TTC28: variants seen among roughly 807,000 people sequenced by gnomAD.
TTC28 encodes tetratricopeptide repeat domain 28, also known as tetratricopeptide repeat protein 28.
In TTC28, 61 loss-of-function variants were observed where a neutral mutation model predicts 198.0. The observed-to-expected ratio is 0.31, with a 90% confidence interval of 0.25 to 0.38. TTC28 has a LOEUF of 0.38. Among genes scored for constraint, TTC28 ranks in the 10% least tolerant of loss-of-function variants. TTC28 has a pLI of 1.00. For missense variants in TTC28, 2,678 were observed against 3,164.0 expected, an observed-to-expected ratio of 0.85 and a Z score of 3.69; for synonymous variants, 1,171 against 1,297.8, an observed-to-expected ratio of 0.90 and a Z score of 2.10.
chr22:28,052,900 C>T (rs1191943557), intron 12 of TTC28, among the ~76,000 whole-genome samples: 1 of 152,180 alleles, frequency 6.6e-6, no homozygotes, highest in Non-Finnish European at 1.5e-5. Flanking sequence ...CAACAGGTTT[C>T]TATGGTTACA....
intron 17 of TTC28, among the ~76,000 whole-genome samples, chr22:27,995,255 G>T (rs1193241972): frequency 6.6e-6 from 1 of 152,176 alleles, no homozygotes; most frequent in Non-Finnish European, 1.5e-5. Flanking sequence ...AGGCTGTGCA[G>T]CAACCAGCCT....
intron 2 of TTC28, among the ~76,000 whole-genome samples, chr22:28,510,114 G>C (rs1167204748): frequency 6.6e-6 from 1 of 152,134 alleles, no homozygotes; most frequent in Non-Finnish European, 1.5e-5. Context: ...AAGAAGACCT[G>C]GTGCTATTTC....
At chr22:28,592,961 T>C (rs2050460799) in intron 2 of TTC28, among the ~76,000 whole-genome samples, 1 of 152,124 alleles carries the variant, frequency 6.6e-6, no homozygotes, top group South Asian at 2.1e-4. Context: ...AGAATCCCTT[T>C]TGTTGTTTAG....
chr22:28,034,979 G>C (rs753637872), intron 12 of TTC28, among the ~76,000 whole-genome samples: 2 of 152,210 alleles, frequency 1.3e-5, no homozygotes, highest in Non-Finnish European at 2.9e-5. Flanking sequence ...GCACCTTGGA[G>C]CTGTGCCAGA....
intron 3 of TTC28, among the ~76,000 whole-genome samples, chr22:28,302,516 A>T (rs889500189): frequency 6.6e-6 from 1 of 152,156 alleles, no homozygotes; most frequent in Admixed American, 6.5e-5. Context: ...TCAAAACAAC[A>T]TTAGGAGATG....
intron 2 of TTC28, among the ~76,000 whole-genome samples, chr22:28,450,902 C>A (rs112273410): frequency 2.0e-5 from 3 of 152,300 alleles, no homozygotes; most frequent in African/African-American, 7.2e-5. Flanking sequence ...TATGATCACT[C>A]TGGCTTTCTG....
chr22:28,199,640 G>A (rs919236969), intron 5 of TTC28, among the ~76,000 whole-genome samples: 2 of 151,114 alleles, frequency 1.3e-5, no homozygotes, highest in Non-Finnish European at 2.9e-5. Context: ...AACAAGCTCT[G>A]GAGGAGGGTT....
At chr22:28,064,451 G>T (rs1036321507) in intron 12 of TTC28, among the ~76,000 whole-genome samples, 1 of 152,124 alleles carries the variant, frequency 6.6e-6, no homozygotes, top group African/African-American at 2.4e-5. Context: ...CAAATTTTGT[G>T]TATAAACTCT....
intron 2 of TTC28, among the ~76,000 whole-genome samples, chr22:28,511,012 C>G (rs1183085743): frequency 1.3e-5 from 2 of 151,816 alleles, no homozygotes; most frequent in Non-Finnish European, 2.9e-5. Flanking sequence ...AGAGAGGACA[C>G]AAAAAAATGG....
intron 6 of TTC28, among the ~76,000 whole-genome samples, chr22:28,117,974 T>G (rs1177725938): frequency 6.6e-6 from 1 of 152,208 alleles, no homozygotes; most frequent in Non-Finnish European, 1.5e-5. Flanking sequence ...GGATAAATAC[T>G]TGAGGGGACA....
chr22:28,362,794 T>C (rs1356398373), intron 2 of TTC28, among the ~76,000 whole-genome samples: 1 of 152,124 alleles, frequency 6.6e-6, no homozygotes, highest in Non-Finnish European at 1.5e-5. Context: ...CCCTAGAGAT[T>C]TGTGGAACTT....
chr22:28,028,862 G>A (rs1938954514), intron 13 of TTC28: 1 of 390,316 alleles, frequency 2.6e-6, no homozygotes, highest in Admixed American at 3.0e-5. Context: ...GAACCCTGCA[G>A]GGTAAGAAGC....
intron 5 of TTC28, among the ~76,000 whole-genome samples, chr22:28,181,500 A>G (rs558456634): frequency 8.3e-4 from 126 of 152,348 alleles, no homozygotes; most frequent in African/African-American, 2.9e-3. Flanking sequence ...TAATTACACC[A>G]TAAAAACTGC....
chr22:28,173,587 G>C (rs1922888583), intron 5 of TTC28, among the ~76,000 whole-genome samples: 1 of 152,194 alleles, frequency 6.6e-6, no homozygotes, highest in African/African-American at 2.4e-5. Context: ...TCCAGCTGCA[G>C]ATTTAGGCGC....
chr22:28,671,431 C>G (rs532774262), intron 1 of TTC28, among the ~76,000 whole-genome samples: 1 of 151,726 alleles, frequency 6.6e-6, no homozygotes, highest in South Asian at 2.1e-4. Flanking sequence ...GTCAGGAGAT[C>G]GAGACCATCC....
chr22:28,193,082 G>A (rs1272360988), intron 5 of TTC28, among the ~76,000 whole-genome samples: 1 of 152,216 alleles, frequency 6.6e-6, no homozygotes, highest in African/African-American at 2.4e-5. Flanking sequence ...CAGACTAACA[G>A]CTGATCTCAG....
At chr22:28,263,736 G>T (rs1931488203) in intron 5 of TTC28, among the ~76,000 whole-genome samples, 4 of 152,104 alleles carry the variant, frequency 2.6e-5, no homozygotes, top group Admixed American at 2.6e-4. Flanking sequence ...TTTAGGGAAG[G>T]CTGACCAGAG....
intron 5 of TTC28, among the ~76,000 whole-genome samples, chr22:28,204,596 C>T (rs543172752): frequency 2.0e-5 from 3 of 152,142 alleles, no homozygotes; most frequent in African/African-American, 4.8e-5. Flanking sequence ...CTCATCACTC[C>T]GTGAAAGACT....
intron 2 of TTC28, among the ~76,000 whole-genome samples, chr22:28,325,629 G>A (rs1381132103): frequency 6.6e-6 from 1 of 152,026 alleles, no homozygotes; most frequent in African/African-American, 2.4e-5. Context: ...ACAAAGAATT[G>A]TGAAAACTTA....
Sources: gnomAD v4.1 joint callset for allele counts (sites outside exome capture counted in the v4.1 genomes callset) on GRCh38, gnomAD v4.1.1 for gene constraint, MANE v1.5 for transcripts, NCBI Gene and HGNC (gene_info 2026-07-23, HGNC 2026-07-21) for gene names.